YME1L1: variants seen among roughly 807,000 people sequenced by gnomAD.
The protein encoded by YME1L1 is YME1 like 1 ATPase, also known as ATP-dependent zinc metalloprotease YME1L1.
In YME1L1, 39 loss-of-function variants were observed where a neutral mutation model predicts 90.4. The observed-to-expected ratio is 0.43, with a 90% CI of 0.33 to 0.56. The LOEUF (loss-of-function observed/expected upper bound fraction) is 0.56, where lower values mean the gene tolerates loss of function less well. Among genes scored for constraint, YME1L1 ranks in the 20% least tolerant of loss-of-function variants. The pLI, the probability that YME1L1 is intolerant of heterozygous loss-of-function variation, is 0.03. For missense variants in YME1L1, 617 were observed against 868.4 expected, an observed-to-expected ratio of 0.71 and a Z score of 3.64; for synonymous variants, 284 against 287.3, an observed-to-expected ratio of 0.99 and a Z score of 0.12.
At chr10:27,149,154 T>C (rs918492504) in intron 1 of YME1L1, 114 bp from the exon 2 acceptor site, 6 of 897,680 alleles carry the variant, frequency 6.7e-6, no homozygotes, top group South Asian at 1.8e-5. Flanking sequence ...ATCAACTCTG[T>C]ATACTAAAAA....
intron 15 of YME1L1, 63 bp downstream of exon 15, chr10:27,117,513 A>G: frequency 1.3e-6 from 2 of 1,537,436 alleles, no homozygotes; most frequent in East Asian, 4.5e-5. Context: ...GGTTGCAGTG[A>G]GCTGAGATCG....
intron 4 of YME1L1, 59 bp downstream of exon 4, chr10:27,142,328 A>T (rs1437506067): frequency 9.8e-7 from 1 of 1,015,908 alleles, no homozygotes; most frequent in Non-Finnish European, 1.4e-6. Context: ...AAGAAAGACA[A>T]ATCAGACTAT....
At chr10:27,147,665 T>TAC (rs1564469424) in intron 2 of YME1L1, 1 of 1,550,110 alleles carries the variant, frequency 6.5e-7, no homozygotes, top group African/African-American at 1.4e-5. Context: ...TCACTGAACA[T>TAC]ACACTGTAGG....
At chr10:27,125,639 C>CTTT (rs1320642587) in intron 9 of YME1L1, among the ~76,000 whole-genome samples, 2 of 125,670 alleles carry the variant, frequency 1.6e-5, no homozygotes, top group Admixed American at 7.7e-5. Flanking sequence ...GTTAAATGTC[C>CTTT]TATTTTTTTT....
rs73598020 is a variant in YME1L1 at position 27,110,203 on chromosome 10, C to A, written c.*1774G>T. 2.0e-5 allele frequency: 3 copies of A among 151,990 alleles called. No individual in the cohort carries two copies. In the East Asian group the frequency reaches 5.8e-4, roughly 29 times the overall value. 9.4% of individuals were successfully genotyped at this position (151,990 alleles called of 1,614,324 possible). The stretch of plus-strand genomic sequence containing the variant: ...GATAAGACTTTATCAATATTTTATA[C>A]GTGTATGTATGTACATACAGAGAGG... On this transcript the variant is annotated 3_prime_UTR_variant, in exon 19 of 19. Transcript: ENST00000376016.
At chr10:27,128,181 A>T (rs942950604) in intron 8 of YME1L1, among the ~76,000 whole-genome samples, 5 of 152,206 alleles carry the variant, frequency 3.3e-5, no homozygotes, top group African/African-American at 1.2e-4. Context: ...CCATATATTC[A>T]GAAATTCTAG....
intron 5 of YME1L1, among the ~76,000 whole-genome samples, chr10:27,135,992 C>T (rs546833984): frequency 1.3e-5 from 2 of 152,198 alleles, no homozygotes; most frequent in East Asian, 3.9e-4. Flanking sequence ...CATGGACAAA[C>T]GTAGGTTGAT....
At position 27,147,365 on chromosome 10, in the gene YME1L1, G is replaced by A. The variant is rs2057154875; in HGVS notation, c.168+1541C>T. 4.7e-6 allele frequency: 7 copies of A among 1,488,438 alleles called. No homozygotes were observed. In the Admixed American group the frequency reaches 5.5e-5, roughly 12 times the overall value. The allele number at this position is 1,488,438 out of a possible 1,614,324, so 92.2% of individuals were successfully genotyped here. A position where few individuals can be genotyped will look rare whatever the true frequency, so the allele number is the denominator to read the frequency against. ...AAAAATGATAAAACAAACAAACAAA[G>A]AAACTAGACTGGATGAGAGAGAAGG... On this transcript the variant is annotated intron_variant, in intron 2 of 18. Transcript: ENST00000376016.
rs575298579 is a variant in YME1L1 at position 27,132,828 on chromosome 10, T to A, written c.776-887A>T. On this transcript the variant is annotated intron_variant, in intron 7 of 18. Coordinates refer to ENST00000376016, the MANE Select transcript of YME1L1 (RefSeq NM_014263.4). ...GAGCGAGACTCCATCTCAAAAAAAA[T>A]AAATGAAATAAAATAAAAAAATAAA... Among the ~76,000 whole-genome samples the A allele has an allele frequency of 2.6e-5, 4 of 151,960 alleles. No individual in the cohort carries two copies. In the South Asian group the frequency reaches 6.3e-4, roughly 24 times the overall value.
intron 9 of YME1L1, 143 bp from the exon 10 acceptor site, chr10:27,123,842 C>T: frequency 7.6e-6 from 6 of 792,710 alleles, no homozygotes; most frequent in Admixed American, 3.4e-5. Flanking sequence ...CACAGCAAAC[C>T]GTACTTGTCT....
chr10:27,113,260 A>AAAAAAAAAAAAT (rs1564453902), intron 18 of YME1L1, among the ~76,000 whole-genome samples: 1 of 111,616 alleles, frequency 9.0e-6, no homozygotes, highest in African/African-American at 3.3e-5. Flanking sequence ...AAAAAAAAAA[A>AAAAAAAAAAAAT]AAAGACCTGC....
intron 3 of YME1L1, among the ~76,000 whole-genome samples, 163 bp from the exon 4 acceptor site, chr10:27,142,648 C>T (rs575510022): frequency 2.0e-5 from 3 of 152,184 alleles, no homozygotes; most frequent in South Asian, 2.1e-4. Flanking sequence ...TCTAAAGCAT[C>T]GCTAATTTAA....
At chr10:27,127,237 GTTTT>G (rs1173437175) in intron 8 of YME1L1, among the ~76,000 whole-genome samples, 1 of 152,120 alleles carries the variant, frequency 6.6e-6, no homozygotes, top group African/African-American at 2.4e-5. Context: ...ACAAAGTTAT[GTTTT>G]TTTGTTAGAC....
At chr10:27,140,026 A>C (rs866146010) in intron 4 of YME1L1, among the ~76,000 whole-genome samples, 82 of 151,336 alleles carry the variant, frequency 5.4e-4, no homozygotes, top group African/African-American at 1.9e-3. Flanking sequence ...TTTCTTTTTG[A>C]GACAAAGTCT....
At chr10:27,151,168 C>T (rs1277637867) in intron 1 of YME1L1, among the ~76,000 whole-genome samples, 2 of 152,076 alleles carry the variant, frequency 1.3e-5, no homozygotes, top group African/African-American at 4.8e-5. Context: ...GTGATCCGCT[C>T]GCCTCTGCCT....
intron 12 of YME1L1, among the ~76,000 whole-genome samples, chr10:27,120,885 G>A (rs935119222): frequency 6.6e-5 from 10 of 152,194 alleles, no homozygotes; most frequent in Admixed American, 2.0e-4. Context: ...AGTACAGAAT[G>A]TTAGACTAGA....
Position 27,119,297 on chromosome 10 carries a change from T to C in YME1L1, c.1564A>G (p.Met522Val), listed in dbSNP as rs749308360. 2 of 1,595,236 alleles carry C rather than the reference T, an allele frequency of 1.3e-6. No homozygotes were observed. Among genetic ancestry groups the C allele is most frequent in the South Asian group, 2.3e-5 (2 of 87,452 alleles). Residue 522 changes from methionine (M) to valine (V), a missense_variant, in exon 14 of 19, where the codon ATG becomes GTG. Met to Val is a conservative substitution (Grantham distance 21, BLOSUM62 1). Around this residue, in one of 4 missense-constraint regions of YME1L1, gnomAD observed 212 missense variants for 330.0 expected, o/e 0.64. Coordinates refer to ENST00000376016, the MANE Select transcript of YME1L1 (RefSeq NM_014263.4). ...ELEFSKDKIL[M>V]GPERRSVEID... is the part of the protein sequence containing the mutation. ...AAAAAAAAGAAAGGAAACCTACCCA[T>C]TAGAATTTTGTCTTTGGAAAACTCC... is the stretch of plus-strand genomic sequence containing the variant.
chr10:27,147,531 G>A lies in YME1L1; in HGVS notation c.168+1375C>T, dbSNP rs747495634. On this transcript the variant is annotated intron_variant, in intron 2 of 18. Transcript: ENST00000376016. ...AGAGGGAGAAGGGTTCTGGACGGAT[G>A]TGCCAGTTATCGGTTGTGTCCAAGC... The A allele has an allele frequency of 1.9e-6, 3 of 1,607,356 alleles. No homozygotes were observed. The Admixed American group carries it at 5.0e-5, about 27-fold the overall frequency.
In YME1L1 at chr10:27,111,104, G is replaced by T. The variant is rs1314859419; in HGVS notation, c.*873C>A. The stretch of plus-strand genomic sequence containing the variant: ...AGAGTCTTGCTCTGTTGCCCAGGCT[G>T]GAGTGCAGTGGCATGATCTCAGCTC... On this transcript the variant is annotated 3_prime_UTR_variant, in exon 19 of 19. Transcript: ENST00000376016. The T allele has an allele frequency of 6.6e-6, 1 of 151,950 alleles. No individual in the cohort carries two copies. The highest frequency in any genetic ancestry group is 1.5e-5 in the Non-Finnish European group (1 of 68,054). 9.4% of individuals were successfully genotyped at this position (151,950 alleles called of 1,614,324 possible).
Sources: allele counts gnomAD v4.1 joint callset (sites outside exome capture counted in the v4.1 genomes callset), GRCh38; gene constraint gnomAD v4.1.1; regional missense constraint gnomAD v4.1.1; transcripts MANE v1.5; gene names NCBI Gene and HGNC (gene_info 2026-07-23, HGNC 2026-07-21).